The following HTT variants were observed in gnomAD, a reference collection of about 807,000 sequenced individuals.
HTT encodes the protein huntington disease protein.
Under a neutral mutation model 362.3 loss-of-function variants are expected in HTT, and 104 were observed. The ratio of observed to expected loss-of-function variants is 0.29; its 90% confidence interval spans 0.24 to 0.34. HTT has a LOEUF of 0.34. Ranked by LOEUF, HTT falls within the 10% of genes least tolerant of loss-of-function variation. HTT has a pLI of 1.00. For synonymous variants in HTT, 1,577 were observed against 1,548.7 expected, an observed-to-expected ratio of 1.02 and a Z score of -0.43; for missense variants, 3,301 against 3,928.6, an observed-to-expected ratio of 0.84 and a Z score of 4.27.
chr4:3,123,691 TA>T lies in HTT; in HGVS notation c.1321+766del, dbSNP rs542694871. ...GGCAACAGAATGAGACCTTGTGTCT[TA>T]AAAAAAAAAAGTTTCCTTTGTTGGG... is the stretch of plus-strand genomic sequence containing the variant. On this transcript the variant is annotated intron_variant, in intron 10 of 66. Coordinates refer to ENST00000355072, the MANE Select transcript of HTT (RefSeq NM_001388492.1). 5.4e-4 allele frequency among the ~76,000 whole-genome samples: 80 copies of T among 147,068 alleles called. No homozygotes were observed. In the East Asian group the frequency reaches 8.1e-3, roughly 15 times the overall value.
chr4:3,169,470 GT>G (rs1178034145), intron 29 of HTT, among the ~76,000 whole-genome samples: 1 of 151,866 alleles, frequency 6.6e-6, no homozygotes, highest in Non-Finnish European at 1.5e-5. Context: ...TGTGTTTTCT[GT>G]TTTGTATAGT....
Position 3,115,454 on chromosome 4 carries a change from G to A in HTT, c.889+9G>A, listed in dbSNP as rs143001355. Reference sequence around the variant, plus strand: ...ACTAAATGTGCTCTTAGGTAAGGTGGAGGCATATGAGTGGAAGAGTCTCCA... The same window carrying A: ...ACTAAATGTGCTCTTAGGTAAGGTGAAGGCATATGAGTGGAAGAGTCTCCA... On this transcript the variant is annotated intron_variant, in intron 7 of 66. Transcript: ENST00000355072. The A allele has an allele frequency of 3.1e-4, 505 of 1,605,684 alleles. 1 individual carries two copies. Among genetic ancestry groups the A allele is most frequent in the Non-Finnish European group, 4.0e-4 (466 of 1,172,730 alleles).
At chr4:3,093,386 G>A (rs886734842) in intron 2 of HTT, among the ~76,000 whole-genome samples, 8 of 151,978 alleles carry the variant, frequency 5.3e-5, no homozygotes, top group South Asian at 4.1e-4. Flanking sequence ...TAAATTGTTC[G>A]CAACAAAAAT....
intron 60 of HTT, among the ~76,000 whole-genome samples, chr4:3,232,431 C>T (rs79523063): frequency 0.02 from 3,068 of 152,268 alleles, 103 homozygotes; most frequent in African/African-American, 0.07. Context: ...GCAGGGGTCT[C>T]CTCACTGTTA....
At chr4:3,152,437 A>C (rs1333138490) in intron 26 of HTT, among the ~76,000 whole-genome samples, 2 of 152,090 alleles carry the variant, frequency 1.3e-5, no homozygotes, top group Non-Finnish European at 2.9e-5. Flanking sequence ...TAATTCACCC[A>C]TTTAAAGTAT....
chr4:3,230,360 G>A (rs573034409), intron 60 of HTT, among the ~76,000 whole-genome samples: 9 of 152,246 alleles, frequency 5.9e-5, no homozygotes, highest in African/African-American at 1.4e-4. Context: ...CTGAGGCATC[G>A]TAGATGGTGG....
At chr4:3,226,162 G>A (rs1175185424) in intron 57 of HTT, among the ~76,000 whole-genome samples, 3 of 152,078 alleles carry the variant, frequency 2.0e-5, no homozygotes, top group African/African-American at 7.2e-5. Flanking sequence ...GGCCGTGAGT[G>A]TCCCTGGGGC....
At chr4:3,219,688 A>G (rs183019454) in intron 52 of HTT, among the ~76,000 whole-genome samples, 1 of 152,228 alleles carries the variant, frequency 6.6e-6, no homozygotes. Context: ...CTTGAACAGC[A>G]TCAAGCCTGC....
chr4:3,121,187 T>G (rs1715279022), intron 8 of HTT, 41 bp from the exon 9 acceptor site: 1 of 1,499,332 alleles, frequency 6.7e-7, no homozygotes, highest in Admixed American at 1.7e-5. Flanking sequence ...GGATGCATTT[T>G]ATAAACTCTG....
At chr4:3,167,181 C>G (rs1231785995) in intron 29 of HTT, among the ~76,000 whole-genome samples, 1 of 152,244 alleles carries the variant, frequency 6.6e-6, no homozygotes, top group Non-Finnish European at 1.5e-5. Context: ...AAGCGATTCT[C>G]CTACCTCAGC....
intron 2 of HTT, among the ~76,000 whole-genome samples, chr4:3,090,297 C>T (rs1713430462): frequency 6.6e-6 from 1 of 152,200 alleles, no homozygotes; most frequent in Admixed American, 6.5e-5. Flanking sequence ...GGATGAGCAT[C>T]AAAATCATCT....
chr4:3,084,614 C>G (rs553111506), intron 1 of HTT, among the ~76,000 whole-genome samples: 3 of 150,816 alleles, frequency 2.0e-5, no homozygotes, highest in Non-Finnish European at 4.4e-5. Flanking sequence ...TGCTTGAACC[C>G]GAGGGGCAGA....
chr4:3,081,332 A>G (rs1712886877), intron 1 of HTT, among the ~76,000 whole-genome samples: 1 of 152,212 alleles, frequency 6.6e-6, no homozygotes, highest in East Asian at 1.9e-4. Flanking sequence ...CATAAGCAAT[A>G]TGTATGAGTG....
At chr4:3,124,227 G>A (rs1460948821) in intron 10 of HTT, among the ~76,000 whole-genome samples, 1 of 152,148 alleles carries the variant, frequency 6.6e-6, no homozygotes, top group East Asian at 1.9e-4. Flanking sequence ...ACTAAGTTAC[G>A]CTGACACTTG....
intron 8 of HTT, among the ~76,000 whole-genome samples, chr4:3,117,474 C>T (rs1047420292): frequency 6.6e-6 from 1 of 151,872 alleles, no homozygotes; most frequent in Non-Finnish European, 1.5e-5. Flanking sequence ...CCCAATTATC[C>T]TCTTATTTCA....
At position 3,209,974 on chromosome 4, in the gene HTT, G is replaced by A. The variant is rs1226185553; in HGVS notation, c.6414+25G>A. ...GGTACGGGGGGAGCAGTGGAGGCAA[G>A]GAATCCTCAGCTTTTCTTGTGACTT... On this transcript the variant is annotated intron_variant, in intron 47 of 66. Coordinates refer to ENST00000355072, the MANE Select transcript of HTT (RefSeq NM_001388492.1). The A allele has an allele frequency of 1.8e-5, 29 of 1,610,384 alleles. 1 individual carries two copies. Among genetic ancestry groups the A allele is most frequent in the African/African-American group, 2.7e-5 (2 of 74,816 alleles).
chr4:3,097,388 T>C (rs1341419820), intron 2 of HTT, among the ~76,000 whole-genome samples: 1 of 152,154 alleles, frequency 6.6e-6, no homozygotes, highest in Non-Finnish European at 1.5e-5. Context: ...TCCCAGCACC[T>C]TGGGAGGCCG....
chr4:3,085,218 A>G (rs1016291599), intron 1 of HTT, among the ~76,000 whole-genome samples: 14 of 151,576 alleles, frequency 9.2e-5, no homozygotes, highest in Admixed American at 3.9e-4. Context: ...GTGCACTGCA[A>G]CCTCTGCCTC....
chr4:3,199,394 G>C (rs1028223982), intron 40 of HTT, among the ~76,000 whole-genome samples: 1 of 152,094 alleles, frequency 6.6e-6, no homozygotes, highest in Non-Finnish European at 1.5e-5. Flanking sequence ...ACAAATATTA[G>C]CTGGGCGTGG....
Sources: allele counts gnomAD v4.1 joint callset (sites outside exome capture counted in the v4.1 genomes callset), GRCh38; gene constraint gnomAD v4.1.1; transcripts MANE v1.5; gene names NCBI Gene and HGNC (gene_info 2026-07-23, HGNC 2026-07-21).